The following FAR2 variants were observed in gnomAD, a reference collection of about 807,000 sequenced individuals.
FAR2 encodes epididymis secretory protein Li 81.
Under a neutral mutation model 56.0 loss-of-function variants are expected in FAR2, and 19 were observed. The ratio of observed to expected loss-of-function variants is 0.34; its 90% CI spans 0.24 to 0.50. FAR2 has a LOEUF of 0.50. Ranked by LOEUF, FAR2 falls within the 20% of genes least tolerant of loss-of-function variation. The probability of loss-of-function intolerance (pLI) is 0.98; values close to 1 mark genes in which losing one functional copy is unlikely to be tolerated. For synonymous variants in FAR2, 219 were observed against 218.8 expected (o/e 1.00, Z -0.01); for missense variants, 508 against 642.2 (o/e 0.79, Z 2.26).
intron 1 of FAR2, among the ~76,000 whole-genome samples, chr12:29,170,689 C>T (rs1949876920): frequency 6.6e-6 from 1 of 151,974 alleles, no homozygotes; most frequent in African/African-American, 2.4e-5. Flanking sequence ...CTCTTCCTCT[C>T]TCTCTTTGAC....
At chr12:29,168,775 G>A (rs1203455512) in intron 1 of FAR2, among the ~76,000 whole-genome samples, 1 of 152,240 alleles carries the variant, frequency 6.6e-6, no homozygotes, top group Non-Finnish European at 1.5e-5. Flanking sequence ...GCAACAGCAA[G>A]ATTTACTGTG....
At chr12:29,285,999 G>T (rs1948868927) in intron 2 of FAR2, among the ~76,000 whole-genome samples, 1 of 151,872 alleles carries the variant, frequency 6.6e-6, no homozygotes, top group Non-Finnish European at 1.5e-5. Flanking sequence ...CATACATTTT[G>T]TTCTTAGAAG....
intron 1 of FAR2, among the ~76,000 whole-genome samples, chr12:29,202,222 C>T (rs1947425728): frequency 6.6e-6 from 1 of 152,166 alleles, no homozygotes; most frequent in South Asian, 2.1e-4. Flanking sequence ...ACAAGTGACA[C>T]AAACTCACAT....
chr12:29,239,245 C>T (rs1171657619), intron 1 of FAR2, among the ~76,000 whole-genome samples: 2 of 152,090 alleles, frequency 1.3e-5, no homozygotes, highest in Non-Finnish European at 2.9e-5. Flanking sequence ...AGAATTCTAC[C>T]TTCCTTAGCA....
chr12:29,235,449 A>C (rs1439016513), intron 1 of FAR2, among the ~76,000 whole-genome samples: 2 of 152,138 alleles, frequency 1.3e-5, no homozygotes, highest in African/African-American at 4.8e-5. Flanking sequence ...TTTCTCCACA[A>C]TTTCATTCAC....
intron 1 of FAR2, among the ~76,000 whole-genome samples, chr12:29,178,141 A>C (rs112785191): frequency 7.7e-4 from 117 of 152,048 alleles, no homozygotes; most frequent in African/African-American, 2.7e-3. Flanking sequence ...CCTCAGAAAT[A>C]GTGGCCTAAA....
chr12:29,263,887 G>A (rs1388179951), intron 1 of FAR2, among the ~76,000 whole-genome samples: 3 of 151,810 alleles, frequency 2.0e-5, no homozygotes, highest in African/African-American at 7.3e-5. Context: ...ATCTAAAGAA[G>A]AACAAATACT....
rs192792902 is a variant in FAR2 at position 29,232,852 on chromosome 12, G to A, written c.-38-37560G>A. On this transcript the variant is annotated intron_variant, in intron 1 of 11. Transcript: ENST00000536681. ...ACACACACACACACACACACAGAGT[G>A]CCCTTCCCACTCTTCATGGGAAAAT... is the stretch of plus-strand genomic sequence containing the variant. 7.7e-4 allele frequency among the ~76,000 whole-genome samples: 102 copies of A among 132,866 alleles called. 3 individuals carry two copies. The highest frequency in any genetic ancestry group is 5.5e-3 in the Admixed American group (78 of 14,260). The allele number at this position is 132,866 out of a possible 152,430, so 87.2% of individuals were successfully genotyped here. A position where few individuals can be genotyped will look rare whatever the true frequency, so the allele number is the denominator to read the frequency against.
intron 1 of FAR2, among the ~76,000 whole-genome samples, chr12:29,155,103 A>G (rs573399413): frequency 6.6e-6 from 1 of 151,468 alleles, no homozygotes; most frequent in African/African-American, 2.4e-5. Flanking sequence ...TTAAAAGCAA[A>G]ATTGTTTTTC....
At chr12:29,310,314 A>G (rs989772599) in intron 6 of FAR2, among the ~76,000 whole-genome samples, 1 of 152,236 alleles carries the variant, frequency 6.6e-6, no homozygotes, top group South Asian at 2.1e-4. Flanking sequence ...ACTGAGTAAC[A>G]TAAGAAAGTG....
chr12:29,210,946 CA>C (rs11407727), intron 1 of FAR2, among the ~76,000 whole-genome samples: 65,820 of 151,278 alleles, frequency 0.44, 16,927 homozygotes, highest in Admixed American at 0.57. Flanking sequence ...GTCTTAAAAA[CA>C]AAAAAAAAAC....
At chr12:29,183,025 C>T (rs374709004) in intron 1 of FAR2, among the ~76,000 whole-genome samples, 1 of 149,692 alleles carries the variant, frequency 6.7e-6, no homozygotes, top group East Asian at 2.0e-4. Flanking sequence ...CTCCACTAAA[C>T]AACTCTTGCT....
chr12:29,268,923 C>A (rs1400851301), intron 1 of FAR2, among the ~76,000 whole-genome samples: 4 of 152,050 alleles, frequency 2.6e-5, no homozygotes, highest in Non-Finnish European at 4.4e-5. Flanking sequence ...AGGTGTGGGT[C>A]ACAGACATCA....
At chr12:29,309,688 A>G (rs1456169102) in intron 6 of FAR2, 1 of 152,710 alleles carries the variant, frequency 6.5e-6, no homozygotes, top group Non-Finnish European at 1.5e-5. Flanking sequence ...AATGAATACA[A>G]GAAAGAGAAC....
chr12:29,260,444 G>A (rs1948397676), intron 1 of FAR2, among the ~76,000 whole-genome samples: 1 of 152,136 alleles, frequency 6.6e-6, no homozygotes, highest in Non-Finnish European at 1.5e-5. Flanking sequence ...CTTATGTTTT[G>A]TTTTCCTGTC....
At position 29,155,207 on chromosome 12, in the gene FAR2, G is replaced by A. The variant is rs1949716587; in HGVS notation, c.-39+5800G>A. ...ACATGTGACCTGAGGCATAAACAAT[G>A]GGGAAGACTCCCCAGGGCCTCTTAG... On this transcript the variant is annotated intron_variant, in intron 1 of 11. Coordinates refer to ENST00000536681, the MANE Select transcript of FAR2 (RefSeq NM_001271783.2). Among the ~76,000 whole-genome samples, 3 of 152,198 alleles carry A rather than the reference G, an allele frequency of 2.0e-5. 1 individual carries two copies. In the South Asian group the frequency reaches 6.2e-4, roughly 31 times the overall value.
chr12:29,189,034 C>T (rs759296017), intron 1 of FAR2, among the ~76,000 whole-genome samples: 11 of 151,974 alleles, frequency 7.2e-5, no homozygotes, highest in African/African-American at 2.7e-4. Context: ...TTAATTTCTC[C>T]CCTATAAAGT....
At chr12:29,180,043 C>A (rs1246555324) in intron 1 of FAR2, among the ~76,000 whole-genome samples, 1 of 152,082 alleles carries the variant, frequency 6.6e-6, no homozygotes, top group Non-Finnish European at 1.5e-5. Context: ...AACCTTGAGA[C>A]AATTCAATAG....
intron 1 of FAR2, among the ~76,000 whole-genome samples, chr12:29,263,884 G>T (rs894903621): frequency 6.6e-6 from 1 of 151,828 alleles, no homozygotes; most frequent in African/African-American, 2.4e-5. Context: ...GACATCTAAA[G>T]AAGAACAAAT....
Sources: allele counts gnomAD v4.1 joint callset (sites outside exome capture counted in the v4.1 genomes callset), GRCh38; gene constraint gnomAD v4.1.1; transcripts MANE v1.5; gene names NCBI Gene and HGNC (gene_info 2026-07-23, HGNC 2026-07-21).